The following PDE1A variants were observed in gnomAD, a reference collection of about 807,000 sequenced individuals.
PDE1A encodes the protein dual specificity calcium/calmodulin-dependent 3',5'-cyclic nucleotide phosphodiesterase 1A.
In PDE1A, 35 loss-of-function variants were observed where a neutral mutation model predicts 61.7. The observed-to-expected ratio is 0.57, with a 90% confidence interval of 0.43 to 0.75. The LOEUF is 0.75. Ranked by LOEUF, PDE1A falls within the 30% of genes least tolerant of loss-of-function variation. The pLI is 0.00. For missense variants in PDE1A, 597 were observed against 630.6 expected (o/e 0.95, Z 0.57); for synonymous variants, 232 against 213.2 (o/e 1.09, Z -0.77).
At chr2:182,517,325 C>T (rs1486959060) in intron 2 of PDE1A, among the ~76,000 whole-genome samples, 1 of 152,192 alleles carries the variant, frequency 6.6e-6, no homozygotes, top group African/African-American at 2.4e-5. Flanking sequence ...AAAGCAAACA[C>T]CCTTCCATCT....
the PDE1A span, among the ~76,000 whole-genome samples, chr2:182,529,562 A>G: frequency 2.0e-5 from 3 of 152,204 alleles, no homozygotes; most frequent in East Asian, 3.8e-4. Flanking sequence ...TTGAGAAGGC[A>G]TGATTGATTT....
intron 1 of PDE1A, among the ~76,000 whole-genome samples, chr2:182,377,212 G>A (rs1277485441): frequency 6.6e-6 from 1 of 152,208 alleles, no homozygotes; most frequent in Non-Finnish European, 1.5e-5. Context: ...TTTGGTTCAT[G>A]AGGGTGGCTC....
At chr2:182,181,859 C>T (rs1474709092) in intron 13 of PDE1A, among the ~76,000 whole-genome samples, 2 of 152,190 alleles carry the variant, frequency 1.3e-5, no homozygotes, top group African/African-American at 2.4e-5. Flanking sequence ...CTCTCAGTCT[C>T]CTTCACACTG....
intron 2 of PDE1A, among the ~76,000 whole-genome samples, chr2:182,247,225 G>C (rs560298402): frequency 6.6e-6 from 1 of 151,734 alleles, no homozygotes; most frequent in Non-Finnish European, 1.5e-5. Flanking sequence ...AAACATTTTT[G>C]ATAGCATTTT....
At chr2:182,404,182 C>T (rs192769481) in intron 1 of PDE1A, among the ~76,000 whole-genome samples, 58 of 152,250 alleles carry the variant, frequency 3.8e-4, no homozygotes, top group African/African-American at 1.1e-3. Flanking sequence ...TCAAACCTGA[C>T]GACTCTGCCT....
intron 1 of PDE1A, among the ~76,000 whole-genome samples, chr2:182,287,352 C>T (rs1379831152): frequency 1.3e-5 from 2 of 152,218 alleles, no homozygotes; most frequent in East Asian, 1.9e-4. Context: ...CTACATAAAA[C>T]TTATGAGAAT....
intron 1 of PDE1A, among the ~76,000 whole-genome samples, chr2:182,300,697 T>C (rs985465534): frequency 1.3e-5 from 2 of 152,230 alleles, no homozygotes; most frequent in African/African-American, 4.8e-5. Flanking sequence ...AAAGTATGTA[T>C]ATCTTGGCCT....
intron 2 of PDE1A, among the ~76,000 whole-genome samples, chr2:182,474,613 T>G (rs567141553): frequency 1.3e-5 from 2 of 152,082 alleles, no homozygotes; most frequent in African/African-American, 4.8e-5. Flanking sequence ...AAGCACATAG[T>G]AGGTGCTTAT....
chr2:182,361,177 C>CT (rs1337989908), intron 1 of PDE1A, among the ~76,000 whole-genome samples: 1 of 151,972 alleles, frequency 6.6e-6, no homozygotes, highest in Admixed American at 6.6e-5. Context: ...TTAACACTTG[C>CT]TTTTTTCTAA....
At chr2:182,691,108 G>C in the PDE1A span, among the ~76,000 whole-genome samples, 2 of 152,162 alleles carry the variant, frequency 1.3e-5, no homozygotes, top group East Asian at 3.8e-4. Context: ...TACAGCCCAA[G>C]GTAATTTATA....
the PDE1A span, among the ~76,000 whole-genome samples, chr2:182,697,146 G>A: frequency 6.6e-6 from 1 of 152,126 alleles, no homozygotes; most frequent in African/African-American, 2.4e-5. Flanking sequence ...TCTTTTAAGT[G>A]ATTATGTCTG....
chr2:182,675,361 T>C, the PDE1A span, among the ~76,000 whole-genome samples: 1 of 152,210 alleles, frequency 6.6e-6, no homozygotes, highest in Non-Finnish European at 1.5e-5. Flanking sequence ...CTGTCATAGA[T>C]GGGCATTTAG....
chr2:182,563,852 T>C, the PDE1A span, among the ~76,000 whole-genome samples: 1 of 152,184 alleles, frequency 6.6e-6, no homozygotes, highest in Admixed American at 6.5e-5. Context: ...GTTTAAAGTG[T>C]TTTATCAGAG....
At chr2:182,185,905 C>G in exon 13 of PDE1A, 1 of 1,613,996 alleles carries the variant, frequency 6.2e-7, no homozygotes, top group Non-Finnish European at 8.5e-7. Flanking sequence ...GTGCAGCTAA[C>G]TCTTTCCACC....
intron 1 of PDE1A, among the ~76,000 whole-genome samples, chr2:182,283,997 A>G (rs917058652): frequency 2.6e-5 from 4 of 152,128 alleles, no homozygotes; most frequent in South Asian, 2.1e-4. Context: ...ATAACAATCA[A>G]GTACATACCT....
At chr2:182,347,076 G>A (rs1698563201) in intron 1 of PDE1A, among the ~76,000 whole-genome samples, 2 of 152,054 alleles carry the variant, frequency 1.3e-5, no homozygotes, top group Non-Finnish European at 2.9e-5. Context: ...ATGGTCAAAT[G>A]GTTAAGTCCT....
At chr2:182,187,753 T>TTTTTTTTTTG in intron 11 of PDE1A, among the ~76,000 whole-genome samples, 1 of 136,162 alleles carries the variant, frequency 7.3e-6, no homozygotes, top group Non-Finnish European at 1.6e-5. Flanking sequence ...TTTTTTTTTT[T>TTTTTTTTTTG]TTTTTTTTTG....
intron 1 of PDE1A, among the ~76,000 whole-genome samples, chr2:182,385,852 C>G (rs537483922): frequency 1.3e-3 from 183 of 144,276 alleles, no homozygotes; most frequent in African/African-American, 4.4e-3. Flanking sequence ...CTCCCTCTCC[C>G]TCCTCTCCCT....
intron 2 of PDE1A, among the ~76,000 whole-genome samples, chr2:182,512,695 T>G (rs1689881248): frequency 6.6e-6 from 1 of 152,144 alleles, no homozygotes; most frequent in Non-Finnish European, 1.5e-5. Context: ...TCAAGGAATC[T>G]AAGAAATCTA....
Sources: allele counts gnomAD v4.1 joint callset (sites outside exome capture counted in the v4.1 genomes callset), GRCh38; gene constraint gnomAD v4.1.1; transcripts MANE v1.5; gene names NCBI Gene and HGNC (gene_info 2026-07-23, HGNC 2026-07-21).